The following GON4L variants were observed in gnomAD, a reference collection of about 807,000 sequenced individuals.
The protein encoded by GON4L is GON-4-like protein.
GON4L carries 87 observed loss-of-function variants against 211.8 expected under a neutral mutation model. That is an observed-to-expected ratio of 0.41 (90% CI 0.35 to 0.49). The LOEUF (loss-of-function observed/expected upper bound fraction) is 0.49, where lower values mean the gene tolerates loss of function less well. GON4L is among the 20% of genes least tolerant of loss of function. GON4L has a pLI of 0.15. For synonymous variants in GON4L, 875 were observed against 962.6 expected (o/e 0.91, Z 1.68); for missense variants, 2,155 against 2,659.5 (o/e 0.81, Z 4.17).
intron 12 of GON4L, among the ~76,000 whole-genome samples, chr1:155,789,253 G>A (rs985709183): frequency 5.3e-5 from 8 of 152,058 alleles, no homozygotes; most frequent in African/African-American, 1.9e-4. Context: ...TGGTACACTT[G>A]AGATGTGTGT....
At chr1:155,760,663 C>A in intron 23 of GON4L, 22 bp from the exon 24 acceptor site, 3 of 1,526,812 alleles carry the variant, frequency 2.0e-6, no homozygotes, top group Middle Eastern at 1.7e-4. Flanking sequence ...GACTTTCAAT[C>A]ATCAACACCC....
In GON4L at chr1:155,767,294, G is replaced by C. The variant is rs1662615332; in HGVS notation, c.2763+131C>G. On this transcript the variant is annotated intron_variant, in intron 20 of 31. Transcript: ENST00000368331. ...AGGGCAGAAAAGTAAGGGAAGAAAG[G>C]TGAATCAGGAAGATTTCTAAAGTCC... is the stretch of plus-strand genomic sequence containing the variant. 3.1e-6 allele frequency: 5 copies of C among 1,590,300 alleles called. No individual in the cohort carries two copies. The African/African-American group carries it at 6.7e-5, about 21-fold the overall frequency.
rs1191030084 is a variant in GON4L, at chr1:155,753,377, T to C, written c.5669A>G (p.His1890Arg). 3.7e-6 allele frequency: 6 copies of C among 1,613,490 alleles called. No homozygotes were observed. Among genetic ancestry groups the C allele is most frequent in the Non-Finnish European group, 5.1e-6 (6 of 1,179,688 alleles). Residue 1890 changes from histidine (H) to arginine (R), a missense_variant, in exon 29 of 32, where the codon CAT (histidine) becomes CGT (arginine). Physicochemically the swap from His to Arg is conservative, Grantham distance 29. Transcript: ENST00000368331. ...DSKSYKSKEPHELVGSSPHRE... is the reference protein window; with the variant it reads ...DSKSYKSKEPRELVGSSPHRE... Reference sequence around the variant, plus strand: ...GTGGGGGCTGCTGCCCACCAACTCATGGGGCTCCTTGCTCTTGTAGGATTT... The same window carrying C: ...GTGGGGGCTGCTGCCCACCAACTCACGGGGCTCCTTGCTCTTGTAGGATTT...
At chr1:155,803,126 C>T (rs1413784280) in intron 11 of GON4L, among the ~76,000 whole-genome samples, 1 of 152,132 alleles carries the variant, frequency 6.6e-6, no homozygotes, top group Non-Finnish European at 1.5e-5. Flanking sequence ...AAATGATATA[C>T]TATATAACTA....
chr1:155,753,836 T>C (rs1255946225), intron 28 of GON4L, among the ~76,000 whole-genome samples: 1 of 152,014 alleles, frequency 6.6e-6, no homozygotes, highest in African/African-American at 2.4e-5. Flanking sequence ...CTGAGCCTCC[T>C]GAGTGCCCTG....
intron 12 of GON4L, among the ~76,000 whole-genome samples, chr1:155,794,475 C>T (rs935156049): frequency 3.9e-5 from 6 of 152,308 alleles, no homozygotes; most frequent in African/African-American, 1.4e-4. Context: ...CACCAAAGTA[C>T]TTAGTATTTT....
upstream of GON4L, among the ~76,000 whole-genome samples, chr1:155,857,770 C>T (rs143622465): frequency 1.7e-3 from 255 of 152,132 alleles, no homozygotes; most frequent in Middle Eastern, 3.4e-3. Flanking sequence ...CACTACGAGT[C>T]ACCTGGAACA....
At chr1:155,760,362 A>C in intron 24 of GON4L, 82 bp downstream of exon 24, 1 of 833,564 alleles carries the variant, frequency 1.2e-6, no homozygotes, top group Non-Finnish European at 1.9e-6. Flanking sequence ...GGGAGACTGA[A>C]AGAGTCTTAT....
chr1:155,847,748 C>A (rs1671385707), intron 2 of GON4L, among the ~76,000 whole-genome samples: 1 of 151,934 alleles, frequency 6.6e-6, no homozygotes, highest in African/African-American at 2.4e-5. Flanking sequence ...GTGGTGCATG[C>A]CTGTAGTCCC....
intron 19 of GON4L, among the ~76,000 whole-genome samples, 193 bp downstream of exon 19, chr1:155,770,874 C>T (rs961051111): frequency 4.6e-5 from 7 of 152,034 alleles, no homozygotes; most frequent in Admixed American, 1.3e-4. Flanking sequence ...ACAACAACAA[C>T]AACAAAAAGC....
At chr1:155,747,956 A>G, downstream of GON4L, 1 of 1,568,242 alleles carries the variant, frequency 6.4e-7, no homozygotes, top group South Asian at 1.1e-5. Flanking sequence ...CTTAATGCAA[A>G]CTGGTTTTTT....
In GON4L at chr1:155,821,678, G is replaced by A. The variant is rs1480345029; in HGVS notation, c.889-130C>T. The A allele has an allele frequency of 5.9e-6, 4 of 683,536 alleles. No individual in the cohort carries two copies. In the African/African-American group the frequency reaches 7.1e-5, roughly 12 times the overall value. 42.3% of individuals were successfully genotyped at this position (683,536 alleles called of 1,614,324 possible). A position where few individuals can be genotyped will look rare whatever the true frequency, so the allele number is the denominator to read the frequency against. ...CATATACTCGAATAGCATCAGACTGGGGTAAAGCAAGGCAACTGAAAGCAA... is the reference window on the plus strand; with the variant it reads ...CATATACTCGAATAGCATCAGACTGAGGTAAAGCAAGGCAACTGAAAGCAA... On this transcript the variant is annotated intron_variant, in intron 4 of 31. Transcript: ENST00000368331.
chr1:155,790,762 G>A (rs553187653), intron 12 of GON4L, among the ~76,000 whole-genome samples: 13 of 151,426 alleles, frequency 8.6e-5, no homozygotes, highest in Admixed American at 7.9e-4. Context: ...TGGCCAACAT[G>A]GTGAAACCCT....
intron 6 of GON4L, among the ~76,000 whole-genome samples, chr1:155,818,198 T>G (rs1424456128): frequency 2.0e-5 from 3 of 152,040 alleles, no homozygotes; most frequent in Non-Finnish European, 4.4e-5. Flanking sequence ...CTCCGCTCAC[T>G]GCAACCTCTC....
chr1:155,755,641 C>A (rs186166400), intron 27 of GON4L, among the ~76,000 whole-genome samples: 3 of 152,256 alleles, frequency 2.0e-5, no homozygotes, highest in African/African-American at 7.2e-5. Context: ...CCAATTGCCC[C>A]AGATGTTTCA....
intron 12 of GON4L, among the ~76,000 whole-genome samples, chr1:155,793,766 A>G (rs1299653612): frequency 1.3e-5 from 2 of 151,930 alleles, no homozygotes; most frequent in Non-Finnish European, 2.9e-5. Context: ...GTGCCAATAC[A>G]TTAGGCTAAT....
chr1:155,794,848 G>A (rs1056211307), intron 12 of GON4L, among the ~76,000 whole-genome samples: 6 of 152,120 alleles, frequency 3.9e-5, no homozygotes, highest in East Asian at 1.9e-4. Flanking sequence ...CTGAATACAC[G>A]ACTGTGGGAT....
At chr1:155,756,816 C>T in intron 27 of GON4L, 142 bp downstream of exon 27, 4 of 637,758 alleles carry the variant, frequency 6.3e-6, no homozygotes, top group Non-Finnish European at 1.1e-5. Context: ...GTAATTCCAG[C>T]TACTTGAGAG....
intron 24 of GON4L, among the ~76,000 whole-genome samples, chr1:155,759,842 T>C (rs1661584364): frequency 6.6e-6 from 1 of 151,468 alleles, no homozygotes; most frequent in Non-Finnish European, 1.5e-5. Flanking sequence ...GACCGCTGTG[T>C]ATAAAACCAC....
Sources: allele counts gnomAD v4.1 joint callset (sites outside exome capture counted in the v4.1 genomes callset), GRCh38; gene constraint gnomAD v4.1.1; transcripts MANE v1.5; gene names NCBI Gene and HGNC (gene_info 2026-07-23, HGNC 2026-07-21).